The following LTBP1 variants were observed in gnomAD, a reference collection of about 807,000 sequenced individuals.
LTBP1 encodes latent transforming growth factor beta binding protein 1, also known as latent-transforming growth factor beta-binding protein 1.
In LTBP1, 129 loss-of-function variants were observed where a neutral mutation model predicts 207.6. The ratio of observed to expected loss-of-function variants is 0.62; its 90% confidence interval spans 0.54 to 0.72. The LOEUF is 0.72. Ranked by LOEUF, LTBP1 falls within the 30% of genes least tolerant of loss-of-function variation. The probability of loss-of-function intolerance (pLI) is 0.00; values close to 1 mark genes in which losing one functional copy is unlikely to be tolerated. For missense variants in LTBP1, 2,281 were observed against 2,217.2 expected (o/e 1.03, Z -0.58); for synonymous variants, 963 against 833.7 (o/e 1.16, Z -2.67).
intron 4 of LTBP1, among the ~76,000 whole-genome samples, chr2:33,121,523 C>G (rs1052432375): frequency 6.6e-6 from 1 of 152,080 alleles, no homozygotes; most frequent in African/African-American, 2.4e-5. Context: ...AGCTGGGCTC[C>G]TTGTTTAACC....
chr2:33,222,284 T>A, intron 9 of LTBP1, 133 bp downstream of exon 9: 1 of 638,540 alleles, frequency 1.6e-6, no homozygotes, highest in Non-Finnish European at 2.9e-6. Flanking sequence ...TCCTTTTGGC[T>A]AAGGAAATGT....
chr2:33,117,000 C>G (rs1308903683), intron 4 of LTBP1, among the ~76,000 whole-genome samples: 1 of 152,202 alleles, frequency 6.6e-6, no homozygotes, highest in Non-Finnish European at 1.5e-5. Flanking sequence ...GCTGCCCTCT[C>G]TCAGTCTTTG....
chr2:33,268,455 A>C (rs1249494954), intron 15 of LTBP1, among the ~76,000 whole-genome samples: 1 of 152,236 alleles, frequency 6.6e-6, no homozygotes, highest in Non-Finnish European at 1.5e-5. Context: ...AATTGGAAGT[A>C]GCCTTTTCAC....
intron 18 of LTBP1, among the ~76,000 whole-genome samples, chr2:33,279,684 C>T (rs998228324): frequency 3.9e-5 from 6 of 152,198 alleles, no homozygotes; most frequent in Admixed American, 3.9e-4. Flanking sequence ...ACACTCACCC[C>T]CATTCTTTGT....
chr2:33,141,181 A>G (rs796907812), intron 5 of LTBP1, among the ~76,000 whole-genome samples: 3 of 152,386 alleles, frequency 2.0e-5, no homozygotes, highest in African/African-American at 7.2e-5. Context: ...TAAGTCAAAT[A>G]AACCAGTCAC....
intron 15 of LTBP1, among the ~76,000 whole-genome samples, chr2:33,272,507 A>G (rs1330740922): frequency 6.6e-6 from 1 of 152,240 alleles, no homozygotes; most frequent in African/African-American, 2.4e-5. Context: ...ATATTCTTAA[A>G]TGACTTCAAT....
intron 9 of LTBP1, among the ~76,000 whole-genome samples, chr2:33,237,093 A>G (rs1390884221): frequency 6.6e-6 from 1 of 152,210 alleles, no homozygotes; most frequent in Non-Finnish European, 1.5e-5. Flanking sequence ...AATCACGAAG[A>G]GACTCATACA....
At chr2:33,295,268 C>T (rs1264871256) in intron 20 of LTBP1, among the ~76,000 whole-genome samples, 3 of 151,708 alleles carry the variant, frequency 2.0e-5, no homozygotes, top group Non-Finnish European at 4.4e-5. Context: ...GTACATGTGG[C>T]CGGACACAGC....
chr2:33,137,981 T>G (rs1334082492), intron 5 of LTBP1, among the ~76,000 whole-genome samples: 1 of 152,226 alleles, frequency 6.6e-6, no homozygotes, highest in Non-Finnish European at 1.5e-5. Flanking sequence ...AGAAAGCAAC[T>G]GAGAGTCCAG....
chr2:33,052,852 G>A (rs1455554421), intron 3 of LTBP1, among the ~76,000 whole-genome samples: 3 of 149,104 alleles, frequency 2.0e-5, no homozygotes, highest in Non-Finnish European at 3.0e-5. Context: ...GTTGACTCCC[G>A]GATCAAAATA....
intron 4 of LTBP1, among the ~76,000 whole-genome samples, chr2:33,133,680 G>A (rs1279167242): frequency 6.6e-6 from 1 of 152,138 alleles, no homozygotes; most frequent in African/African-American, 2.4e-5. Context: ...AAATGAATGA[G>A]GGTGGCTGTG....
intron 18 of LTBP1, among the ~76,000 whole-genome samples, chr2:33,278,592 G>A (rs1364982437): frequency 6.6e-6 from 1 of 152,034 alleles, no homozygotes; most frequent in African/African-American, 2.4e-5. Flanking sequence ...TATAGAAGAG[G>A]GGAAAAGCCG....
intron 3 of LTBP1, among the ~76,000 whole-genome samples, chr2:33,078,984 G>A (rs553876358): frequency 6.7e-6 from 1 of 150,086 alleles, no homozygotes; most frequent in South Asian, 2.1e-4. Flanking sequence ...TCAGCCTCCC[G>A]AGTAGCTGGG....
At chr2:33,199,892 A>G (rs2149059783) in intron 7 of LTBP1, among the ~76,000 whole-genome samples, 1 of 152,338 alleles carries the variant, frequency 6.6e-6, no homozygotes, top group Non-Finnish European at 1.5e-5. Context: ...CCAAGATAAT[A>G]AAATACCTAG....
intron 2 of LTBP1, among the ~76,000 whole-genome samples, chr2:32,953,531 AG>A (rs1357654515): frequency 6.6e-6 from 1 of 152,226 alleles, no homozygotes; most frequent in Admixed American, 6.5e-5. Context: ...CCAGAGGTCA[AG>A]TTCACACTAG....
chr2:33,212,538 T>TG (rs1163027663), intron 7 of LTBP1, among the ~76,000 whole-genome samples: 1 of 152,228 alleles, frequency 6.6e-6, no homozygotes, highest in Non-Finnish European at 1.5e-5. Context: ...CCTTAGACCT[T>TG]GCAGAAATCG....
At chr2:33,089,175 AAAAAAG>A (rs1396276226) in intron 3 of LTBP1, among the ~76,000 whole-genome samples, 2 of 151,532 alleles carry the variant, frequency 1.3e-5, no homozygotes, top group African/African-American at 4.8e-5. Context: ...AAAAAAAAGA[AAAAAAG>A]AAAAAGAAAA....
intron 31 of LTBP1, among the ~76,000 whole-genome samples, chr2:33,371,124 G>A (rs1345444846): frequency 6.6e-6 from 1 of 152,160 alleles, no homozygotes; most frequent in Non-Finnish European, 1.5e-5. Context: ...AAGGAGAATT[G>A]CATAATTGTA....
chr2:33,134,337 T>A lies in LTBP1; in HGVS notation c.1034-456T>A. Reference sequence around the variant, plus strand: ...GGTCGGGCTGCAAATAGTGACTTAATAAGTGGAGAAACAGGGAAAGTATGC... The same window carrying A: ...GGTCGGGCTGCAAATAGTGACTTAAAAAGTGGAGAAACAGGGAAAGTATGC... On this transcript the variant is annotated intron_variant, in intron 4 of 33. Transcript: ENST00000404816. This position sits in a 1 kb window ranked among gnomAD's most constrained non-coding sequence, Gnocchi z 4.4. 1 of 446,818 alleles carries A rather than the reference T, an allele frequency of 2.2e-6. No homozygotes were observed. The allele number at this position is 446,818 out of a possible 1,614,324, so 27.7% of individuals were successfully genotyped here. A position where few individuals can be genotyped will look rare whatever the true frequency, so the allele number is the denominator to read the frequency against.
Sources: gnomAD v4.1 joint callset for allele counts (sites outside exome capture counted in the v4.1 genomes callset) on GRCh38, gnomAD v4.1.1 for gene constraint, Gnocchi (gnomAD v3.1) non-coding constraint, MANE v1.5 for transcripts, NCBI Gene and HGNC (gene_info 2026-07-23, HGNC 2026-07-21) for gene names.